The following CCPG1 variants were observed in gnomAD, a reference collection of about 807,000 sequenced individuals.
CCPG1 encodes the protein cell cycle progression 1, also known as cell cycle progression protein 1.
Under a neutral mutation model 81.3 loss-of-function variants are expected in CCPG1, and 46 were observed. The ratio of observed to expected loss-of-function variants is 0.57; its 90% CI spans 0.45 to 0.72. The LOEUF is 0.72. Ranked by LOEUF, CCPG1 falls within the 30% of genes least tolerant of loss-of-function variation. The pLI is 0.00. For missense variants in CCPG1, 902 were observed against 937.6 expected (o/e 0.96, Z 0.50); for synonymous variants, 330 against 305.2 (o/e 1.08, Z -0.85).
chr15:55,393,926 C>T (rs915136413), intron 1 of CCPG1, among the ~76,000 whole-genome samples: 5 of 152,208 alleles, frequency 3.3e-5, no homozygotes, highest in Middle Eastern at 3.2e-3. Context: ...TGAGCCCCTA[C>T]GCTAGGGCCC....
intron 1 of CCPG1, among the ~76,000 whole-genome samples, chr15:55,403,643 T>C (rs1168996194): frequency 1.3e-5 from 2 of 152,212 alleles, no homozygotes; most frequent in African/African-American, 4.8e-5. Flanking sequence ...GCCAAGTTTA[T>C]CTGATGCAAT....
chr15:55,359,718 G>A lies in CCPG1; in HGVS notation c.2055C>T (p.Phe685=). 1.2e-6 allele frequency: 2 copies of A among 1,613,470 alleles called. No individual in the cohort carries two copies. Among genetic ancestry groups the A allele is most frequent in the Non-Finnish European group, 1.7e-6 (2 of 1,179,888 alleles). ...NELDQFINKF[F]LNGVFIHDQK... ...GATCATGTATAAAGACACCGTTTAG[G>A]AAAAACTTATTGATGAACTGATCAA... The change falls in exon 8 of 9, where the codon TTC becomes TTT. Residue 685 remains phenylalanine (F), a synonymous_variant. Transcript: ENST00000442196.
chr15:55,369,043 C>T (rs1375089944), intron 6 of CCPG1, among the ~76,000 whole-genome samples: 5 of 151,906 alleles, frequency 3.3e-5, no homozygotes, highest in African/African-American at 7.3e-5. Context: ...ACCTGGGAGA[C>T]GGAGGTGGCA....
At chr15:55,370,981 C>T (rs185486530) in intron 6 of CCPG1, among the ~76,000 whole-genome samples, 6 of 151,704 alleles carry the variant, frequency 4.0e-5, no homozygotes, top group Admixed American at 2.0e-4. Context: ...GGCATGGTGG[C>T]GGGCGCCTGT....
chr15:55,387,251 C>G (rs1310456265), intron 2 of CCPG1, among the ~76,000 whole-genome samples: 1 of 152,236 alleles, frequency 6.6e-6, no homozygotes, highest in Non-Finnish European at 1.5e-5. Context: ...CTGTCATACT[C>G]CACCCTGCAG....
At chr15:55,393,917 G>A (rs2056970111) in intron 1 of CCPG1, among the ~76,000 whole-genome samples, 1 of 152,152 alleles carries the variant, frequency 6.6e-6, no homozygotes, top group Non-Finnish European at 1.5e-5. Flanking sequence ...CGGTGCCCTT[G>A]AGCCCCTACG....
chr15:55,358,783 G>A, intron 8 of CCPG1: 1 of 984,554 alleles, frequency 1.0e-6, no homozygotes. Flanking sequence ...CTTCACCTTT[G>A]TTCATTATAG....
chr15:55,382,587 G>A (rs2056722242), intron 3 of CCPG1, among the ~76,000 whole-genome samples: 1 of 149,802 alleles, frequency 6.7e-6, no homozygotes, highest in Admixed American at 6.7e-5. Context: ...TTGGCTCACT[G>A]CAAGCTCCGC....
chr15:55,405,021 TCATGACCAGCCCGGCTAA>T (rs1268027476), intron 1 of CCPG1, among the ~76,000 whole-genome samples: 2 of 151,244 alleles, frequency 1.3e-5, no homozygotes, highest in Non-Finnish European at 2.9e-5. Context: ...GGCCAGGAGT[TCATGACCAGCCCGGCTAA>T]CATGGCAAAA....
intron 8 of CCPG1, 138 bp from the exon 9 acceptor site, chr15:55,356,547 T>C: frequency 1.6e-6 from 2 of 1,236,544 alleles, no homozygotes; most frequent in Middle Eastern, 2.9e-4. Flanking sequence ...ACAATCCTAG[T>C]ATATCCATAT....
intron 5 of CCPG1, among the ~76,000 whole-genome samples, chr15:55,375,223 T>G (rs1247202110): frequency 1.3e-5 from 2 of 152,180 alleles, no homozygotes. Flanking sequence ...TCTTTCTTTT[T>G]TTGAGATGGT....
chr15:55,394,085 G>A (rs2056973330), intron 1 of CCPG1, among the ~76,000 whole-genome samples: 1 of 152,118 alleles, frequency 6.6e-6, no homozygotes, highest in African/African-American at 2.4e-5. Context: ...AAACTCCCAG[G>A]TTCAAGTAGA....
Position 55,356,017 on chromosome 15 carries a change from T to G in CCPG1, c.*203A>C, listed in dbSNP as rs2056070963. On this transcript the variant is annotated 3_prime_UTR_variant, in exon 9 of 9. Transcript: ENST00000442196. ...GAACATTTCCAGTGTCAAAAAAAAT[T>G]CAACGAAGCTAAACTACAGGAAAAT... 1 of 516,808 alleles carries G rather than the reference T, an allele frequency of 1.9e-6. No individual in the cohort carries two copies. 32.0% of individuals were successfully genotyped at this position (516,808 alleles called of 1,614,324 possible).
chr15:55,359,253 A>G, intron 8 of CCPG1: 1 of 1,089,114 alleles, frequency 9.2e-7, no homozygotes, highest in African/African-American at 1.6e-5. Context: ...ATGAAAAGAA[A>G]CAAACTTGGC....
rs1382968037 is a variant in CCPG1, at chr15:55,364,723, A to C, written c.828+465T>G. Among the ~76,000 whole-genome samples the C allele has an allele frequency of 1.3e-5, 2 of 150,460 alleles. 1 individual carries two copies. Among genetic ancestry groups the C allele is most frequent in the Non-Finnish European group, 3.0e-5 (2 of 67,440 alleles). On this transcript the variant is annotated intron_variant, in intron 7 of 8. Coordinates refer to ENST00000442196, the MANE Select transcript of CCPG1 (RefSeq NM_001204450.2). ...CCGTCTCTACTAAAAATACAAAAAA[A>C]TTTGCCGGGCATAGAGGTGCACACC... is the stretch of plus-strand genomic sequence containing the variant.
intron 1 of CCPG1, among the ~76,000 whole-genome samples, chr15:55,405,041 A>G (rs1007388894): frequency 2.0e-5 from 3 of 152,008 alleles, no homozygotes; most frequent in African/African-American, 7.2e-5. Flanking sequence ...CCCGGCTAAC[A>G]TGGCAAAACC....
chr15:55,379,737 T>C (rs1221804915), intron 3 of CCPG1, among the ~76,000 whole-genome samples: 1 of 152,072 alleles, frequency 6.6e-6, no homozygotes, highest in African/African-American at 2.4e-5. Flanking sequence ...AAGATATATT[T>C]TATAAGAACC....
At chr15:55,381,715 G>T (rs2056699988) in intron 3 of CCPG1, among the ~76,000 whole-genome samples, 1 of 152,156 alleles carries the variant, frequency 6.6e-6, no homozygotes, top group South Asian at 2.1e-4. Flanking sequence ...AGTTAATGAA[G>T]TAATTTAAAT....
intron 3 of CCPG1, 108 bp downstream of exon 3, chr15:55,385,492 G>A (rs768027117): frequency 1.9e-5 from 11 of 574,496 alleles, no homozygotes; most frequent in South Asian, 6.7e-5. Flanking sequence ...ATCCTCCAAC[G>A]ACCCCTTAGA....
Sources: allele counts gnomAD v4.1 joint callset (sites outside exome capture counted in the v4.1 genomes callset), GRCh38; gene constraint gnomAD v4.1.1; transcripts MANE v1.5; gene names NCBI Gene and HGNC (gene_info 2026-07-23, HGNC 2026-07-21).